Variants in NCOR2 observed in about 807,000 individuals in gnomAD.
NCOR2 encodes the protein nuclear receptor corepressor 2.
A neutral mutation model predicts 262.9 loss-of-function variants in NCOR2; 81 were observed. That is an observed-to-expected ratio of 0.31 (90% CI 0.26 to 0.37). The LOEUF (loss-of-function observed/expected upper bound fraction) is 0.37. NCOR2 is among the 10% of genes least tolerant of loss of function. The pLI is 1.00. For synonymous variants in NCOR2, 1,659 were observed against 1,559.3 expected (o/e 1.06, Z -1.51); for missense variants, 3,385 against 3,621.4 (o/e 0.93, Z 1.68).
intron 7 of NCOR2, among the ~76,000 whole-genome samples, chr12:124,445,919 G>A (rs2045139034): frequency 6.6e-6 from 1 of 152,204 alleles, no homozygotes; most frequent in South Asian, 2.1e-4. Context: ...GAGCACGTCT[G>A]AAACTGAGCC....
intron 16 of NCOR2, among the ~76,000 whole-genome samples, chr12:124,387,873 G>A (rs542180291): frequency 3.3e-5 from 5 of 152,170 alleles, no homozygotes; most frequent in Non-Finnish European, 5.9e-5. Flanking sequence ...GAGAGGGGGC[G>A]GGTCTCCCAT....
chr12:124,355,102 C>A (rs546203406), intron 24 of NCOR2, 163 bp from the exon 27 acceptor site: 131 of 650,780 alleles, frequency 2.0e-4, no homozygotes, highest in Middle Eastern at 9.8e-4. Flanking sequence ...CAAGCCTCGG[C>A]CCCCTCCCCT....
chr12:124,449,664 C>T, intron 7 of NCOR2, 151 bp downstream of exon 9: 1 of 822,416 alleles, frequency 1.2e-6, no homozygotes, highest in Non-Finnish European at 1.9e-6. Flanking sequence ...CCACCTAGGA[C>T]TGTCTCCTGT....
At chr12:124,372,165 C>G (rs554536239) in exon 20 of NCOR2, 2 of 1,601,352 alleles carry the variant, frequency 1.2e-6, no homozygotes, top group Admixed American at 3.3e-5. Flanking sequence ...TGAGCGCCCC[C>G]TCGGCCGTGG....
At position 124,432,770 on chromosome 12, in the gene NCOR2, C is replaced by CTGCA. The variant is rs1267645901; in HGVS notation, c.883-1987_883-1984dup. Among the ~76,000 whole-genome samples the CTGCA allele has an allele frequency of 1.3e-5, 2 of 151,528 alleles. No homozygotes were observed. The highest frequency in any genetic ancestry group is 2.9e-5 in the Non-Finnish European group (2 of 67,980). On this transcript the variant is annotated intron_variant, in intron 8 of 46. Transcript: ENST00000405201. The surrounding 1 kb of genome is among the most constrained non-coding windows in gnomAD (Gnocchi z 5.1). ...CCACATCTAACCACAGTGCTGCCTG[C>CTGCA]TGCATGTCCTTTGAGAAGAGATCCC...
chr12:124,453,168 G>C (rs1394181869), intron 6 of NCOR2, among the ~76,000 whole-genome samples: 2 of 152,186 alleles, frequency 1.3e-5, no homozygotes, highest in African/African-American at 4.8e-5. Flanking sequence ...ATCCTCTGCA[G>C]AGAGGGCTGC....
chr12:124,520,766 G>A lies in NCOR2; in HGVS notation c.-118+14799C>T, dbSNP rs75208371. On this transcript the variant is annotated intron_variant, in intron 1 of 46. Coordinates refer to the NCOR2 transcript ENST00000404621. ...GCTCAGCAAAAGAACTCCCCATCAC[G>A]CAAGCCTTCGACGGCGACCACCCCT... is the stretch of plus-strand genomic sequence containing the variant. Among the ~76,000 whole-genome samples the A allele has an allele frequency of 4.4e-3, 676 of 152,254 alleles. 5 individuals carry two copies. The highest frequency in any genetic ancestry group is 0.016 in the African/African-American group (647 of 41,540).
exon 32 of NCOR2, chr12:124,344,652 G>A (rs1244979362): frequency 1.3e-6 from 2 of 1,484,060 alleles, no homozygotes; most frequent in Non-Finnish European, 1.8e-6. Context: ...CTCGTGGGAG[G>A]TGGCCGGCAA....
At chr12:124,364,020 C>T (rs557093066) in intron 20 of NCOR2, among the ~76,000 whole-genome samples, 17 of 152,214 alleles carry the variant, frequency 1.1e-4, no homozygotes, top group Non-Finnish European at 5.9e-5. Flanking sequence ...CACGAGTGGG[C>T]GGGCAAGTGC....
Position 124,350,742 on chromosome 12 carries a change from A to C in NCOR2, c.3694-5T>G. ...CAGGACGTCAGCTGGCGTGCCCTGC[A>C]GGTGCAGAGGGGTGAGCGCCCAGGA... On this transcript the variant is annotated splice_region_variant and splice_polypyrimidine_tract_variant and intron_variant, in intron 27 of 46. Coordinates refer to ENST00000405201, the Ensembl canonical transcript of NCOR2. 1.9e-6 allele frequency: 3 copies of C among 1,609,276 alleles called. No homozygotes were observed. Among genetic ancestry groups the C allele is most frequent in the Middle Eastern group, 1.7e-4 (1 of 6,056 alleles).
At chr12:124,435,542 C>T (rs866214320) in intron 8 of NCOR2, among the ~76,000 whole-genome samples, 3 of 152,198 alleles carry the variant, frequency 2.0e-5, no homozygotes, top group Admixed American at 6.5e-5. Context: ...CAACCAAGTT[C>T]GGGGCCAGAG....
At position 124,385,673 on chromosome 12, in the gene NCOR2, A is replaced by G. The variant is rs1032332310; in HGVS notation, c.2019+72T>C. 6.3e-6 allele frequency: 10 copies of G among 1,574,892 alleles called. No individual in the cohort carries two copies. The South Asian group carries it at 9.4e-5, about 15-fold the overall frequency. ...GGCCCATGCCTCCTGGGGTGCAGAG[A>G]CATCTCCTGAGGCAGTCTGGGCTCC... On this transcript the variant is annotated intron_variant, in intron 17 of 46. Coordinates refer to ENST00000405201, the Ensembl canonical transcript of NCOR2.
upstream of NCOR2, among the ~76,000 whole-genome samples, chr12:124,540,318 G>C (rs978053881): frequency 1.8e-4 from 27 of 148,376 alleles, no homozygotes; most frequent in African/African-American, 6.8e-4. Flanking sequence ...AAGGAAAAAA[G>C]AGCACTCCAG....
At chr12:124,527,500 CTCTG>C in intron 1 of NCOR2, among the ~76,000 whole-genome samples, 1 of 152,046 alleles carries the variant, frequency 6.6e-6, no homozygotes, top group Non-Finnish European at 1.5e-5. Context: ...TCACTGCAGT[CTCTG>C]CCTCCTGGGT....
intron 5 of NCOR2, among the ~76,000 whole-genome samples, chr12:124,458,027 T>TAA (rs1411152404): frequency 6.6e-6 from 1 of 152,200 alleles, no homozygotes; most frequent in Non-Finnish European, 1.5e-5. Flanking sequence ...TGCACCAGGC[T>TAA]AAACTGCGTG....
At chr12:124,372,522 G>A (rs760474194) in exon 20 of NCOR2, 3 of 1,594,538 alleles carry the variant, frequency 1.9e-6, no homozygotes, top group Non-Finnish European at 2.5e-6. Context: ...GGGTGGCTGG[G>A]GGCTTGGGCC....
At chr12:124,490,633 C>T (rs1329976837) in intron 1 of NCOR2, among the ~76,000 whole-genome samples, 2 of 152,190 alleles carry the variant, frequency 1.3e-5, no homozygotes, top group Admixed American at 6.5e-5. Flanking sequence ...GAGACCCCCC[C>T]CAGGGCACTC....
At position 124,372,229 on chromosome 12, in the gene NCOR2, G is replaced by A. The variant is rs373652975; in HGVS notation, c.2600C>T (p.Thr867Met). Residue 867 changes from threonine (T) to methionine (M), a missense_variant, in exon 20 of 47, where the codon ACG becomes ATG. By Grantham distance (81) the Thr-to-Met change is moderately conservative. Coordinates refer to ENST00000405201, the Ensembl canonical transcript of NCOR2. ...GGCCGGCCCCTCCTCGGCTTCCTCC[G>A]TGCACTCGCTCTTGACGGGCTCCTC... 1.4e-5 allele frequency: 22 copies of A among 1,600,188 alleles called. No homozygotes were observed. The East Asian group carries it at 1.8e-4, about 13-fold the overall frequency.
At chr12:124,415,759 C>T (rs1179543952) in intron 13 of NCOR2, among the ~76,000 whole-genome samples, 2 of 152,194 alleles carry the variant, frequency 1.3e-5, no homozygotes, top group African/African-American at 2.4e-5. Flanking sequence ...GCAGATACCA[C>T]GGCTAAACCA....
Sources: gnomAD v4.1 joint callset for allele counts (sites outside exome capture counted in the v4.1 genomes callset) on GRCh38, gnomAD v4.1.1 for gene constraint, Gnocchi (gnomAD v3.1) non-coding constraint, MANE v1.5 for transcripts, NCBI Gene and HGNC (gene_info 2026-07-23, HGNC 2026-07-21) for gene names.